Variants in NEK11 observed in about 807,000 individuals in gnomAD.
The protein encoded by NEK11 is serine/threonine-protein kinase Nek11.
In NEK11, 72 loss-of-function variants were observed where a neutral mutation model predicts 80.7. The observed-to-expected ratio is 0.89, with a 90% CI of 0.74 to 1.08. NEK11 has a LOEUF of 1.08. Ranked by LOEUF, NEK11 falls within the 50% of genes least tolerant of loss-of-function variation. NEK11 has a pLI of 0.00. For missense variants in NEK11, 764 were observed against 763.6 expected (o/e 1.00, Z -0.01); for synonymous variants, 251 against 260.7 (o/e 0.96, Z 0.36).
chr3:131,111,277 T>G (rs1156535863), intron 5 of NEK11, among the ~76,000 whole-genome samples: 1 of 152,160 alleles, frequency 6.6e-6, no homozygotes, highest in Non-Finnish European at 1.5e-5. Flanking sequence ...TCCTTTAATA[T>G]TCAAAGAAAG....
rs368014917 is a variant in NEK11 at position 131,335,722 on chromosome 3, C to T, written c.1719-13835C>T. 4.7e-3 allele frequency among the ~76,000 whole-genome samples: 719 copies of T among 152,250 alleles called. 14 individuals carry two copies. Among genetic ancestry groups the T allele is most frequent in the Admixed American group, 0.03 (462 of 15,272 alleles). On this transcript the variant is annotated intron_variant, in intron 17 of 17. Coordinates refer to ENST00000383366, the MANE Select transcript of NEK11 (RefSeq NM_024800.5). Reference sequence around the variant, plus strand: ...ATGATTGTATATCTAGAAAACCCCACTGTCTCAGCCCAAAATCTCCTTAAG... The same window carrying T: ...ATGATTGTATATCTAGAAAACCCCATTGTCTCAGCCCAAAATCTCCTTAAG...
chr3:131,162,567 C>A lies in NEK11; in HGVS notation c.1082+40C>A, dbSNP rs759943517. 1.9e-6 allele frequency: 3 copies of A among 1,604,028 alleles called. No homozygotes were observed. The South Asian group carries it at 3.4e-5, about 18-fold the overall frequency. On this transcript the variant is annotated intron_variant, in intron 11 of 17. Coordinates refer to ENST00000383366, the MANE Select transcript of NEK11 (RefSeq NM_024800.5). Reference sequence around the variant, plus strand: ...CTTTAGGCACTCATGCTCGGGACTACTTCTCAGGGCTCTCAGGGAATTTAC... The same window carrying A: ...CTTTAGGCACTCATGCTCGGGACTAATTCTCAGGGCTCTCAGGGAATTTAC...
intron 14 of NEK11, among the ~76,000 whole-genome samples, chr3:131,225,574 T>C (rs921767296): frequency 6.6e-6 from 1 of 152,208 alleles, no homozygotes; most frequent in Non-Finnish European, 1.5e-5. Context: ...CTTTATTTTA[T>C]AGATGAGAAA....
chr3:131,029,555 T>C, intron 2 of NEK11, 58 bp from the exon 3 acceptor site: 1 of 650,698 alleles, frequency 1.5e-6, no homozygotes, highest in Non-Finnish European at 2.6e-6. Context: ...CTTAACACTT[T>C]TTGTTAGACA....
At chr3:131,301,395 G>A (rs2096659948) in intron 17 of NEK11, among the ~76,000 whole-genome samples, 1 of 151,432 alleles carries the variant, frequency 6.6e-6, no homozygotes, top group African/African-American at 2.4e-5. Flanking sequence ...CCCTGCCTAG[G>A]ACTTACAGTA....
At chr3:131,059,907 A>T (rs963419672) in intron 3 of NEK11, among the ~76,000 whole-genome samples, 2 of 152,256 alleles carry the variant, frequency 1.3e-5, no homozygotes, top group Non-Finnish European at 2.9e-5. Flanking sequence ...AATAGGTTGT[A>T]TGCTTGACTA....
chr3:131,241,855 G>A lies in NEK11; in HGVS notation c.1561-1581G>A, dbSNP rs189981153. Among the ~76,000 whole-genome samples the A allele has an allele frequency of 1.6e-4, 25 of 152,154 alleles. 1 individual carries two copies. Among genetic ancestry groups the A allele is most frequent in the African/African-American group, 5.8e-4 (24 of 41,540 alleles). On this transcript the variant is annotated intron_variant, in intron 15 of 17. Coordinates refer to ENST00000383366, the MANE Select transcript of NEK11 (RefSeq NM_024800.5). ...AGACTGACTATATATGTTTATGTGT[G>A]TGTGTTTGTATTAATAGCAGTGGGA...
chr3:131,039,406 A>G (rs2066122235), intron 3 of NEK11, among the ~76,000 whole-genome samples: 1 of 152,236 alleles, frequency 6.6e-6, no homozygotes, highest in Admixed American at 6.5e-5. Flanking sequence ...GTTTCTACAC[A>G]AGCAGCCTTT....
chr3:131,213,888 G>A (rs1310911939), intron 14 of NEK11, among the ~76,000 whole-genome samples: 1 of 152,162 alleles, frequency 6.6e-6, no homozygotes, highest in Non-Finnish European at 1.5e-5. Context: ...TCGAGATGAG[G>A]CCTTTAGGAG....
chr3:131,097,234 C>T (rs9681035), intron 4 of NEK11, among the ~76,000 whole-genome samples: 5 of 151,500 alleles, frequency 3.3e-5, no homozygotes, highest in Admixed American at 6.6e-5. Flanking sequence ...ATTTATAGTC[C>T]TTTGGGTATA....
chr3:131,048,782 A>T (rs1278971013), intron 3 of NEK11, among the ~76,000 whole-genome samples: 1 of 152,130 alleles, frequency 6.6e-6, no homozygotes, highest in East Asian at 1.9e-4. Flanking sequence ...TCTGAGTGGG[A>T]GCTGCAAGTT....
chr3:131,102,257 T>C (rs891112827), intron 4 of NEK11, among the ~76,000 whole-genome samples: 1 of 152,208 alleles, frequency 6.6e-6, no homozygotes, highest in Admixed American at 6.5e-5. Flanking sequence ...AGAATTAAGA[T>C]TGCTTTGCAG....
At chr3:131,245,152 C>T (rs1167919046) in intron 16 of NEK11, among the ~76,000 whole-genome samples, 1 of 152,110 alleles carries the variant, frequency 6.6e-6, no homozygotes, top group Non-Finnish European at 1.5e-5. Flanking sequence ...CATATGTACA[C>T]ATTATTTAGC....
chr3:131,285,332 G>T (rs1415671996), intron 17 of NEK11, among the ~76,000 whole-genome samples: 1 of 152,192 alleles, frequency 6.6e-6, no homozygotes, highest in African/African-American at 2.4e-5. Context: ...GCAAGGCCTG[G>T]TCAACAGCAC....
chr3:131,245,300 A>ATT (rs1487703078), intron 16 of NEK11, among the ~76,000 whole-genome samples: 1 of 108,352 alleles, frequency 9.2e-6, no homozygotes, highest in East Asian at 2.7e-4. Flanking sequence ...ATAGTATTCC[A>ATT]TTGTGTGTGT....
intron 7 of NEK11, among the ~76,000 whole-genome samples, chr3:131,149,586 A>T (rs745904438): frequency 2.0e-5 from 3 of 152,054 alleles, no homozygotes; most frequent in Non-Finnish European, 4.4e-5. Flanking sequence ...TATTCAGATT[A>T]TCTTTTTCTT....
At chr3:131,242,606 C>T (rs1298462209) in intron 15 of NEK11, among the ~76,000 whole-genome samples, 7 of 152,080 alleles carry the variant, frequency 4.6e-5, no homozygotes, top group Admixed American at 2.0e-4. Flanking sequence ...TTAGTCAAGT[C>T]GGGGTTTGAC....
intron 4 of NEK11, among the ~76,000 whole-genome samples, chr3:131,097,888 G>A (rs574754299): frequency 2.2e-4 from 31 of 143,564 alleles, no homozygotes; most frequent in African/African-American, 4.7e-4. Flanking sequence ...GAGGCATCAC[G>A]CTACCTGACT....
chr3:131,297,243 T>C (rs1291821865), intron 17 of NEK11, among the ~76,000 whole-genome samples: 2 of 151,970 alleles, frequency 1.3e-5, no homozygotes, highest in Non-Finnish European at 2.9e-5. Flanking sequence ...CCACACTGAC[T>C]TCCACAATGG....
Sources: allele counts gnomAD v4.1 joint callset (sites outside exome capture counted in the v4.1 genomes callset), GRCh38; gene constraint gnomAD v4.1.1; transcripts MANE v1.5; gene names NCBI Gene and HGNC (gene_info 2026-07-23, HGNC 2026-07-21).